Variants in FYN observed in about 807,000 individuals in gnomAD.
The protein encoded by FYN is tyrosine-protein kinase Fyn.
A neutral mutation model predicts 70.2 loss-of-function variants in FYN; 10 were observed. That is an observed-to-expected ratio of 0.14 (90% CI 0.09 to 0.24). The LOEUF (loss-of-function observed/expected upper bound fraction) is 0.24, where lower values mean the gene tolerates loss of function less well. Among genes scored for constraint, FYN ranks in the 10% least tolerant of loss-of-function variants. FYN has a pLI of 1.00. For synonymous variants in FYN, 236 were observed against 248.6 expected (o/e 0.95, Z 0.48); for missense variants, 319 against 673.1 (o/e 0.47, Z 5.82).
At chr6:111,733,852 C>T (rs1026179114) in intron 3 of FYN, among the ~76,000 whole-genome samples, 2 of 152,202 alleles carry the variant, frequency 1.3e-5, no homozygotes, top group African/African-American at 2.4e-5. Flanking sequence ...CTTTGGGAGG[C>T]TGAGGTGGGC....
At chr6:111,698,712 T>TA (rs1435927831) in intron 9 of FYN, among the ~76,000 whole-genome samples, 2 of 152,228 alleles carry the variant, frequency 1.3e-5, no homozygotes, top group African/African-American at 2.4e-5. Flanking sequence ...GAGAAGTATG[T>TA]ATCTCTACTG....
At chr6:111,792,205 C>T (rs185274880) in intron 2 of FYN, among the ~76,000 whole-genome samples, 1 of 152,122 alleles carries the variant, frequency 6.6e-6, no homozygotes, top group Admixed American at 6.5e-5. Context: ...CTCGAGAGGA[C>T]AAAACAGAAA....
In FYN at chr6:111,674,578, C is replaced by T. The variant is rs767344335; in HGVS notation, c.1326G>A (p.Arg442=). The T allele has an allele frequency of 1.9e-6, 3 of 1,614,026 alleles. No individual in the cohort carries two copies. Among genetic ancestry groups the T allele is most frequent in the Non-Finnish European group, 2.5e-6 (3 of 1,179,940 alleles). Residue 442 remains arginine, a synonymous_variant, in exon 13 of 14, where the codon AGG becomes AGA. Transcript: ENST00000354650. ...ACCACACGTCAGACTTGATTGTGAA[C>T]CTCCCGTACAGGGCTGCCTCGGGGG... ...WTAPEAALYG[R]FTIKSDVWSF...
chr6:111,717,900 T>C lies in FYN; in HGVS notation c.247+1905A>G, dbSNP rs147219347. Among the ~76,000 whole-genome samples, 385 of 152,340 alleles carry C rather than the reference T, an allele frequency of 2.5e-3. 1 individual carries two copies. The highest frequency in any genetic ancestry group is 0.014 in the Middle Eastern group (4 of 294). ...TGCCCCATCCCAAGTGGGACTTTCC[T>C]CAGGAGAGTTAGCATTCAGAGGTCT... On this transcript the variant is annotated intron_variant, in intron 4 of 13. Transcript: ENST00000354650.
chr6:111,708,109 C>G (rs986386274), intron 5 of FYN, 89 bp from the exon 6 acceptor site: 2 of 919,046 alleles, frequency 2.2e-6, no homozygotes, highest in Middle Eastern at 4.3e-4. Context: ...ATAACTGTCA[C>G]CTAATCATCC....
At chr6:111,847,900 A>G (rs986240859) in intron 1 of FYN, among the ~76,000 whole-genome samples, 1 of 152,210 alleles carries the variant, frequency 6.6e-6, no homozygotes, top group Non-Finnish European at 1.5e-5. Flanking sequence ...TAAGCATGCC[A>G]TTGCAGCTCA....
rs183328626 is a variant in FYN at position 111,699,813 on chromosome 6, A to G, written c.862+291T>C. 2,932 of 784,516 alleles carry G rather than the reference A, an allele frequency of 3.7e-3. 24 individuals are homozygous for G. Among genetic ancestry groups the G allele is most frequent in the Non-Finnish European group, 3.0e-3 (1,534 of 514,600 alleles). The allele number at this position is 784,516 out of a possible 1,614,324, so 48.6% of individuals were successfully genotyped here. A position where few individuals can be genotyped will look rare whatever the true frequency, so the allele number is the denominator to read the frequency against. On this transcript the variant is annotated intron_variant, in intron 9 of 13. Transcript: ENST00000354650. ...TTGGAAATGAAGAGCAAGATATTTT[A>G]TGGCAGCTGGAACATTCCTTGGACC...
chr6:111,670,618 A>G (rs1213813144), intron 13 of FYN, among the ~76,000 whole-genome samples: 1 of 143,442 alleles, frequency 7.0e-6, no homozygotes, highest in African/African-American at 3.0e-5. Context: ...ACAGAAAAAG[A>G]GTTATGAAGA....
chr6:111,684,075 T>C (rs1397658152), intron 12 of FYN, among the ~76,000 whole-genome samples: 1 of 152,204 alleles, frequency 6.6e-6, no homozygotes, highest in Non-Finnish European at 1.5e-5. Context: ...TTGAAAAGTA[T>C]ATGTTACAAT....
chr6:111,835,867 G>T (rs1773170488), intron 2 of FYN, among the ~76,000 whole-genome samples: 1 of 152,106 alleles, frequency 6.6e-6, no homozygotes, highest in Admixed American at 6.6e-5. Flanking sequence ...ACAAAAGATT[G>T]ATCAGATTAT....
intron 3 of FYN, among the ~76,000 whole-genome samples, chr6:111,729,868 CT>C (rs1801367054): frequency 1.3e-5 from 2 of 152,134 alleles, no homozygotes; most frequent in Non-Finnish European, 2.9e-5. Flanking sequence ...CTCTCTGTGT[CT>C]TTTTTCTCAG....
intron 1 of FYN, among the ~76,000 whole-genome samples, chr6:111,850,294 T>C (rs998968098): frequency 1.3e-5 from 2 of 152,226 alleles, no homozygotes; most frequent in African/African-American, 4.8e-5. Flanking sequence ...TGGTGTCTTC[T>C]CTATTTCAAA....
rs142448026 is a variant in FYN at position 111,674,527 on chromosome 6, C to T, written c.1377G>A (p.Leu459=). 2.1e-5 allele frequency: 34 copies of T among 1,613,742 alleles called. No homozygotes were observed. Among genetic ancestry groups the T allele is most frequent in the Non-Finnish European group, 2.8e-5 (33 of 1,179,778 alleles). Residue 459 remains leucine, a synonymous_variant, in exon 13 of 14, where the codon CTG becomes CTA. Coordinates refer to ENST00000354650, the MANE Select transcript of FYN (RefSeq NM_002037.5). Reference sequence around the variant, plus strand: ...GGTATGGCACTCTTCCTTTGGTGACCAGCTCTGTGAGTAAGATTCCAAAAG... The same window carrying T: ...GGTATGGCACTCTTCCTTTGGTGACTAGCTCTGTGAGTAAGATTCCAAAAG... ...VWSFGILLTE[L]VTKGRVPYPG... is the part of the protein sequence containing the mutation.
intron 2 of FYN, among the ~76,000 whole-genome samples, chr6:111,834,269 GATT>G (rs552267122): frequency 0.012 from 1,813 of 152,184 alleles, 33 homozygotes; most frequent in African/African-American, 0.041. Flanking sequence ...TGAGTAAGAG[GATT>G]GTTTATTTCT....
At chr6:111,773,351 GGAA>G (rs1803530560) in intron 3 of FYN, among the ~76,000 whole-genome samples, 1 of 34,774 alleles carries the variant, frequency 2.9e-5, no homozygotes, top group Admixed American at 4.0e-4. Context: ...AGAGGGAGAG[GGAA>G]AGGGAGAGGG....
intron 2 of FYN, among the ~76,000 whole-genome samples, chr6:111,810,080 A>G (rs187214109): frequency 6.6e-6 from 1 of 152,342 alleles, no homozygotes; most frequent in East Asian, 1.9e-4. Context: ...AAAGAGGGTA[A>G]TAAAAATTTA....
At chr6:111,802,118 G>A (rs558363606) in intron 2 of FYN, among the ~76,000 whole-genome samples, 54 of 152,134 alleles carry the variant, frequency 3.5e-4, no homozygotes, top group Admixed American at 1.3e-3. Flanking sequence ...GTTGGAGGTG[G>A]GGCCTGGTGG....
intron 2 of FYN, among the ~76,000 whole-genome samples, chr6:111,823,920 C>T (rs1772754111): frequency 6.6e-6 from 1 of 152,210 alleles, no homozygotes; most frequent in South Asian, 2.1e-4. Context: ...TGTAACAACA[C>T]ACCCAACCAT....
chr6:111,856,533 T>A (rs764346989), intron 1 of FYN, among the ~76,000 whole-genome samples: 5 of 152,302 alleles, frequency 3.3e-5, no homozygotes, highest in Admixed American at 6.5e-5. Flanking sequence ...TAAGATTTTT[T>A]AAATTTAATC....
Sources: allele counts gnomAD v4.1 joint callset (sites outside exome capture counted in the v4.1 genomes callset), GRCh38; gene constraint gnomAD v4.1.1; transcripts MANE v1.5; gene names NCBI Gene and HGNC (gene_info 2026-07-23, HGNC 2026-07-21).